Variants in PCDH1 observed in about 807,000 individuals in gnomAD.
PCDH1 encodes protocadherin 1, also known as protocadherin-1.
PCDH1 carries 23 observed loss-of-function variants against 74.6 expected under a neutral mutation model. That is an observed-to-expected ratio of 0.31 (90% confidence interval 0.22 to 0.44). The LOEUF (loss-of-function observed/expected upper bound fraction) is 0.44. PCDH1 is among the 20% of genes least tolerant of loss of function. The pLI is 1.00. For missense variants in PCDH1, 1,214 were observed against 1,641.4 expected (o/e 0.74, Z 4.50); for synonymous variants, 647 against 686.1 (o/e 0.94, Z 0.89).
At position 141,854,157 on chromosome 5, in the gene PCDH1, T is replaced by C. The variant is rs1271586653; in HGVS notation, c.3599A>G (p.Asp1200Gly). Residue 1200 changes from aspartate (D) to glycine (G), a missense_variant, in exon 5 of 5, where the codon GAT (aspartate) becomes GGT (glycine). Asp to Gly is a moderately conservative substitution (Grantham distance 94, BLOSUM62 -1). This residue lies in a region of PCDH1 where 194 missense variants were observed against 198.3 expected (regional missense o/e 0.98). Coordinates refer to ENST00000287008, the MANE Select transcript of PCDH1 (RefSeq NM_032420.5). Reference protein sequence around the residue: ...SYSAFSHSSHDSCKDSATLEE... With the variant: ...SYSAFSHSSHGSCKDSATLEE... ...CAAGGTGGCCGAGTCCTTGCAGGAA[T>C]CATGGCTACTGTGGGAGAAGGCACT... 1.2e-6 allele frequency: 2 copies of C among 1,603,528 alleles called. No homozygotes were observed. Among genetic ancestry groups the C allele is most frequent in the African/African-American group, 1.3e-5 (1 of 74,696 alleles).
chr5:141,860,165 G>A (rs147109353), intron 3 of PCDH1, among the ~76,000 whole-genome samples: 9 of 152,158 alleles, frequency 5.9e-5, no homozygotes, highest in East Asian at 5.8e-4. Context: ...TACTGTGCTC[G>A]TCAAAGGAAG....
rs774117618 is a variant in PCDH1, at chr5:141,863,170, A to G, written c.3099+62T>C. ...CCATCACTCCCACACCTCGGTCCAG[A>G]TGGCTCCGTGGTAGGGGTGGGGTAG... On this transcript the variant is annotated intron_variant, in intron 3 of 4. Coordinates refer to ENST00000287008, the MANE Select transcript of PCDH1 (RefSeq NM_032420.5). The surrounding 1 kb of genome is among the most constrained non-coding windows in gnomAD (Gnocchi z 7.5). The G allele has an allele frequency of 3.3e-6, 5 of 1,501,672 alleles. No individual in the cohort carries two copies. Among genetic ancestry groups the G allele is most frequent in the Non-Finnish European group, 4.5e-6 (5 of 1,122,218 alleles). The allele number at this position is 1,501,672 out of a possible 1,614,324, so 93.0% of individuals were successfully genotyped here.
intron 2 of PCDH1, among the ~76,000 whole-genome samples, chr5:141,867,099 T>A (rs548904550): frequency 6.6e-6 from 1 of 152,320 alleles, no homozygotes; most frequent in East Asian, 1.9e-4. Flanking sequence ...ATGATGAGGA[T>A]CCCCAGTCTC....
In PCDH1 at chr5:141,853,951, C is replaced by T; in HGVS notation, c.*91G>A. ...CTTGGGGCCCTGGCCAGGAAGTCCACGCTGAAGGGGTGGAGAGTGAGGCCC... is the reference window on the plus strand; with the variant it reads ...CTTGGGGCCCTGGCCAGGAAGTCCATGCTGAAGGGGTGGAGAGTGAGGCCC... On this transcript the variant is annotated 3_prime_UTR_variant, in exon 5 of 5. Coordinates refer to ENST00000287008, the MANE Select transcript of PCDH1 (RefSeq NM_032420.5). The T allele has an allele frequency of 7.4e-6, 9 of 1,215,834 alleles. No homozygotes were observed. The highest frequency in any genetic ancestry group is 8.9e-6 in the Non-Finnish European group (8 of 899,932). 75.3% of individuals were successfully genotyped at this position (1,215,834 alleles called of 1,614,324 possible). A position where few individuals can be genotyped will look rare whatever the true frequency, so the allele number is the denominator to read the frequency against.
chr5:141,855,125 C>T (rs926962798), intron 4 of PCDH1, among the ~76,000 whole-genome samples: 1 of 151,954 alleles, frequency 6.6e-6, no homozygotes, highest in African/African-American at 2.4e-5. Context: ...GCATGCACTA[C>T]CATGCCTGGC....
At chr5:141,866,289 G>T (rs910212704) in intron 2 of PCDH1, 27 of 947,432 alleles carry the variant, frequency 2.8e-5, no homozygotes, top group Non-Finnish European at 3.3e-5. Flanking sequence ...AGGGGTTGAT[G>T]CAGGCCACAG....
In PCDH1 at chr5:141,867,937, C is replaced by T. The variant is rs545210105; in HGVS notation, c.903+632G>A. On this transcript the variant is annotated intron_variant, in intron 2 of 4. Coordinates refer to ENST00000287008, the MANE Select transcript of PCDH1 (RefSeq NM_032420.5). Reference sequence around the variant, plus strand: ...CCATGGAGAGGGGTGCTGAGAACTTCAACAGAGGAAATTGACCCCCCACTG... The same window carrying T: ...CCATGGAGAGGGGTGCTGAGAACTTTAACAGAGGAAATTGACCCCCCACTG... Among the ~76,000 whole-genome samples, 17 of 152,322 alleles carry T rather than the reference C, an allele frequency of 1.1e-4. No homozygotes were observed. In the South Asian group the frequency reaches 3.3e-3, roughly 30 times the overall value.
chr5:141,861,987 A>G (rs899733403), intron 3 of PCDH1, among the ~76,000 whole-genome samples: 1 of 151,852 alleles, frequency 6.6e-6, no homozygotes, highest in African/African-American at 2.4e-5. Context: ...GGAACCCCCT[A>G]AGAGTGGGGG....
intron 4 of PCDH1, among the ~76,000 whole-genome samples, chr5:141,854,962 G>A (rs1201868774): frequency 6.4e-5 from 9 of 141,000 alleles, no homozygotes; most frequent in Admixed American, 4.2e-4. Context: ...ATGAGCCACC[G>A]CACCCAGCCT....
In PCDH1 at chr5:141,864,882, G is replaced by A. The variant is rs777266830; in HGVS notation, c.1449C>T (p.Asn483=). 12 of 1,614,024 alleles carry A rather than the reference G, an allele frequency of 7.4e-6. No individual in the cohort carries two copies. Among genetic ancestry groups the A allele is most frequent in the South Asian group, 4.4e-5 (4 of 91,084 alleles). Residue 483 remains asparagine, a synonymous_variant, in exon 3 of 5, where the codon AAC becomes AAT. Coordinates refer to ENST00000287008, the MANE Select transcript of PCDH1 (RefSeq NM_032420.5). This position sits in a 1 kb window ranked among gnomAD's most constrained non-coding sequence, Gnocchi z 5.9. ...GGGAGTTAGTGCTGGAGAGTGGGGGGTTGCCAGAGTCCACAGCCACAATCT... is the reference window on the plus strand; with the variant it reads ...GGGAGTTAGTGCTGGAGAGTGGGGGATTGCCAGAGTCCACAGCCACAATCT... ...TIEIVAVDSG[N]PPLSSTNSLK...
Position 141,868,301 on chromosome 5 carries a change from G to A in PCDH1, c.903+268C>T, listed in dbSNP as rs1241920397. 6.6e-6 allele frequency among the ~76,000 whole-genome samples: 1 copy of A among 152,222 alleles called. No homozygotes were observed. Among genetic ancestry groups the A allele is most frequent in the Admixed American group, 6.5e-5 (1 of 15,282 alleles). On this transcript the variant is annotated intron_variant, in intron 2 of 4. Transcript: ENST00000287008. The surrounding 1 kb of genome is among the most constrained non-coding windows in gnomAD (Gnocchi z 4.8). ...TAGGGCGGGAGTTTTACTTCTCAGA[G>A]GTTCCCCCAGCTTGAGTCTGCCTTA...
intron 3 of PCDH1, among the ~76,000 whole-genome samples, chr5:141,858,650 C>T (rs921397214): frequency 2.0e-5 from 3 of 152,168 alleles, no homozygotes; most frequent in Admixed American, 6.5e-5. Context: ...CACCCAAATA[C>T]CCACTTGGGA....
rs745335942 is a variant in PCDH1, at chr5:141,863,240, T to C, written c.3091A>G (p.Ser1031Gly). The C allele has an allele frequency of 1.2e-5, 19 of 1,588,764 alleles. No homozygotes were observed. Among genetic ancestry groups the C allele is most frequent in the Admixed American group, 3.5e-5 (2 of 57,362 alleles). ...TGAAAGGGCTGGCCTACCTGCTTGC[T>C]GGGGTATTTGGGGGGGTTGGTGCGG... ...SYRTNPPKYP[S>G]KQLPHRRVTF... is the part of the protein sequence containing the mutation. The change falls in exon 3 of 5, where the codon AGC becomes GGC. Residue 1031 changes from serine to glycine, a missense_variant. Physicochemically the swap from Ser to Gly is moderately conservative, Grantham distance 56. Transcript: ENST00000287008. The surrounding 1 kb of genome is among the most constrained non-coding windows in gnomAD (Gnocchi z 7.5).
At position 141,854,099 on chromosome 5, in the gene PCDH1, G is replaced by A. The variant is rs369047512; in HGVS notation, c.3657C>T (p.Phe1219=). ...CAGATGCCGGTGTGGCTGCGGGTGG[G>A]AAGTCCGAGGTCTGGGTCAGGGGGA... ...EEIPLTQTSD[F]PPAATPASAQ... Residue 1219 remains phenylalanine (F), a synonymous_variant, in exon 5 of 5, where the codon TTC becomes TTT. Coordinates refer to ENST00000287008, the MANE Select transcript of PCDH1 (RefSeq NM_032420.5). 2.6e-5 allele frequency: 41 copies of A among 1,556,344 alleles called. No homozygotes were observed. The highest frequency in any genetic ancestry group is 3.4e-5 in the Non-Finnish European group (39 of 1,148,392).
intron 3 of PCDH1, among the ~76,000 whole-genome samples, chr5:141,861,460 GA>G (rs1752562259): frequency 6.6e-6 from 1 of 152,098 alleles, no homozygotes; most frequent in African/African-American, 2.4e-5. Flanking sequence ...TCATGGGAAA[GA>G]AAAAGAGATG....
intron 4 of PCDH1, 55 bp from the exon 5 acceptor site, chr5:141,854,491 C>T: frequency 6.6e-7 from 1 of 1,518,280 alleles, no homozygotes; most frequent in Non-Finnish European, 8.9e-7. Context: ...CTGCAAAGCT[C>T]TGCTTCATGG....
At chr5:141,873,170 G>C (rs892374718) in intron 1 of PCDH1, among the ~76,000 whole-genome samples, 5 of 152,050 alleles carry the variant, frequency 3.3e-5, no homozygotes, top group African/African-American at 1.2e-4. Flanking sequence ...TCCGTTGCCA[G>C]GCTGGAGTGC....
intron 1 of PCDH1, among the ~76,000 whole-genome samples, chr5:141,874,349 C>A (rs1753167464): frequency 6.6e-6 from 1 of 152,228 alleles, no homozygotes; most frequent in Non-Finnish European, 1.5e-5. Context: ...ATTAATCCCA[C>A]ACAGCAGCCT....
chr5:141,871,971 A>G (rs896734674), intron 1 of PCDH1, among the ~76,000 whole-genome samples: 3 of 152,210 alleles, frequency 2.0e-5, no homozygotes, highest in African/African-American at 7.2e-5. Flanking sequence ...GAATGCACAG[A>G]GTCTTTAGAT....
Sources: gnomAD v4.1 joint callset for allele counts (sites outside exome capture counted in the v4.1 genomes callset) on GRCh38, gnomAD v4.1.1 for gene constraint, gnomAD v4.1.1 regional missense constraint, Gnocchi (gnomAD v3.1) non-coding constraint, MANE v1.5 for transcripts, NCBI Gene and HGNC (gene_info 2026-07-23, HGNC 2026-07-21) for gene names.